MECOM: variants seen among roughly 807,000 people sequenced by gnomAD.
The protein encoded by MECOM is histone-lysine N-methyltransferase MECOM.
In MECOM, 13 loss-of-function variants were observed where a neutral mutation model predicts 116.3. The ratio of observed to expected loss-of-function variants is 0.11; its 90% CI spans 0.07 to 0.18. The LOEUF (loss-of-function observed/expected upper bound fraction) is 0.18, where lower values mean the gene tolerates loss of function less well. MECOM is among the 10% of genes least tolerant of loss of function. The pLI, the probability that MECOM is intolerant of heterozygous loss-of-function variation, is 1.00. For missense variants in MECOM, 1,299 were observed against 1,509.0 expected (o/e 0.86, Z 2.31); for synonymous variants, 528 against 535.2 (o/e 0.99, Z 0.19).
chr3:169,531,315 C>T (rs1236690685), intron 1 of MECOM, among the ~76,000 whole-genome samples: 1 of 152,160 alleles, frequency 6.6e-6, no homozygotes. Context: ...CATAAACAAA[C>T]CAATGCAGAG....
chr3:169,231,625 A>T (rs564355526), intron 2 of MECOM, among the ~76,000 whole-genome samples: 1 of 152,170 alleles, frequency 6.6e-6, no homozygotes, highest in East Asian at 1.9e-4. Context: ...AAAAGATGAG[A>T]ATGAGTCTTC....
intron 2 of MECOM, among the ~76,000 whole-genome samples, chr3:169,150,280 C>T (rs950371907): frequency 3.9e-5 from 6 of 152,294 alleles, no homozygotes; most frequent in Admixed American, 3.9e-4. Context: ...TTGCAAGGGG[C>T]TTGCTTCTTC....
At position 169,589,413 on chromosome 3, in the gene MECOM, G is replaced by A. The variant is rs773164991; in HGVS notation, c.37+73923C>T. Among the ~76,000 whole-genome samples the A allele has an allele frequency of 3.3e-5, 5 of 152,078 alleles. No individual in the cohort carries two copies. The East Asian group carries it at 5.8e-4, about 18-fold the overall frequency. On this transcript the variant is annotated intron_variant, in intron 1 of 16. Coordinates refer to ENST00000651503, the MANE Select transcript of MECOM (RefSeq NM_004991.4). ...AAATTCGGCCATCCCATATCCCTAC[G>A]CCTCTCTAGAGACCAGGAAGGCACC...
chr3:169,374,548 T>C (rs998965270), intron 2 of MECOM, among the ~76,000 whole-genome samples: 7 of 151,992 alleles, frequency 4.6e-5, no homozygotes, highest in African/African-American at 1.7e-4. Context: ...ATCTGGATAC[T>C]ACACAATGTT....
rs560854403 is a variant in MECOM at position 169,464,593 on chromosome 3, G to A, written c.38-83069C>T. ...AAAGCAAATTAGGAGGGCATTACAT[G>A]GGGAAAAGTGGGGAAAGTTCTTCAG... On this transcript the variant is annotated intron_variant, in intron 1 of 16. Transcript: ENST00000651503. Among the ~76,000 whole-genome samples, 3 of 152,150 alleles carry A rather than the reference G, an allele frequency of 2.0e-5. No individual in the cohort carries two copies. In the East Asian group the frequency reaches 5.8e-4, roughly 29 times the overall value.
chr3:169,643,876 A>G (rs1773804656), intron 1 of MECOM, among the ~76,000 whole-genome samples: 3 of 152,226 alleles, frequency 2.0e-5, no homozygotes, highest in South Asian at 2.1e-4. Context: ...TCTCTCAACT[A>G]GAGATACTCA....
chr3:169,583,916 TA>T (rs1209008424), intron 1 of MECOM, among the ~76,000 whole-genome samples: 2 of 152,190 alleles, frequency 1.3e-5, no homozygotes, highest in Non-Finnish European at 2.9e-5. Flanking sequence ...GTAAATATTT[TA>T]AAATCAATTA....
intron 1 of MECOM, among the ~76,000 whole-genome samples, chr3:169,394,587 G>A (rs1174854612): frequency 6.6e-6 from 1 of 152,098 alleles, no homozygotes; most frequent in Non-Finnish European, 1.5e-5. Context: ...TATTTGCAGA[G>A]GTACGGCAGA....
chr3:169,220,974 C>G (rs985278846), intron 2 of MECOM, among the ~76,000 whole-genome samples: 14 of 152,006 alleles, frequency 9.2e-5, no homozygotes, highest in Admixed American at 7.9e-4. Context: ...GGAAGAAAAT[C>G]GAAGAAGAAG....
intron 2 of MECOM, among the ~76,000 whole-genome samples, chr3:169,375,039 AAAG>A (rs1193024175): frequency 1.3e-5 from 2 of 152,006 alleles, no homozygotes; most frequent in Admixed American, 1.3e-4. Flanking sequence ...TCTCTAAAGA[AAAG>A]AAGAGGAAGA....
chr3:169,256,041 TTAAA>T (rs1304330605), intron 2 of MECOM, among the ~76,000 whole-genome samples: 1 of 152,230 alleles, frequency 6.6e-6, no homozygotes, highest in Non-Finnish European at 1.5e-5. Context: ...TTAACCTATT[TTAAA>T]TATTCATTCT....
intron 2 of MECOM, among the ~76,000 whole-genome samples, chr3:169,355,809 G>A (rs1034853868): frequency 2.6e-5 from 4 of 151,722 alleles, no homozygotes; most frequent in Admixed American, 6.6e-5. Flanking sequence ...CCATATAGCA[G>A]TGAAGATTCT....
Position 169,284,339 on chromosome 3 carries a change from G to T in MECOM, c.375+96848C>A, listed in dbSNP as rs147068561. On this transcript the variant is annotated intron_variant, in intron 2 of 16. Coordinates refer to ENST00000651503, the MANE Select transcript of MECOM (RefSeq NM_004991.4). Reference sequence around the variant, plus strand: ...TGGTCTTGGGAATCCTGAGCGTTGAGATTAGGATCCCTGATCACTCTGGGC... The same window carrying T: ...TGGTCTTGGGAATCCTGAGCGTTGATATTAGGATCCCTGATCACTCTGGGC... Among the ~76,000 whole-genome samples the T allele has an allele frequency of 2.7e-3, 412 of 152,262 alleles. 1 individual carries two copies. Among genetic ancestry groups the T allele is most frequent in the African/African-American group, 9.3e-3 (386 of 41,552 alleles).
At chr3:169,502,533 C>A (rs537663867) in intron 1 of MECOM, among the ~76,000 whole-genome samples, 10 of 152,158 alleles carry the variant, frequency 6.6e-5, no homozygotes, top group South Asian at 6.2e-4. Flanking sequence ...CTAAAAACAC[C>A]CTTTTACACA....
chr3:169,647,658 C>T (rs1267553069), intron 1 of MECOM, among the ~76,000 whole-genome samples: 1 of 152,144 alleles, frequency 6.6e-6, no homozygotes, highest in East Asian at 1.9e-4. Flanking sequence ...ACCCTCTTAG[C>T]ATTTTTAATA....
chr3:169,330,794 A>G (rs534529745), intron 2 of MECOM, among the ~76,000 whole-genome samples: 2 of 152,236 alleles, frequency 1.3e-5, no homozygotes, highest in Non-Finnish European at 2.9e-5. Context: ...CATTTAAGTA[A>G]TATCTTCCAT....
At chr3:169,412,608 G>A (rs1737741259) in intron 1 of MECOM, among the ~76,000 whole-genome samples, 1 of 152,032 alleles carries the variant, frequency 6.6e-6, no homozygotes, top group African/African-American at 2.4e-5. Flanking sequence ...TAAGGTAAAT[G>A]CCAAAATGTC....
Position 169,663,474 on chromosome 3 carries a change from GTCTCTCTCTCTCTC to G in MECOM, c.-116_-103del, listed in dbSNP as rs71166260. On this transcript the variant is annotated 5_prime_UTR_variant, in exon 1 of 17. Coordinates refer to ENST00000651503, the MANE Select transcript of MECOM (RefSeq NM_004991.4). ...CTCTCGCTCCCTCCCTCTCTCTCCT[GTCTCTCTCTCTCTC>G]TCTCTCTCTCTCTCTCTCTCTCTCT... The G allele has an allele frequency of 0.045, 25,279 of 566,808 alleles. 336 individuals are homozygous for G. Among genetic ancestry groups the G allele is most frequent in the African/African-American group, 0.12 (2,759 of 22,074 alleles). 35.1% of individuals were successfully genotyped at this position (566,808 alleles called of 1,614,324 possible).
chr3:169,178,749 G>A (rs568747392), intron 2 of MECOM, among the ~76,000 whole-genome samples: 2 of 152,236 alleles, frequency 1.3e-5, no homozygotes, highest in East Asian at 3.9e-4. Flanking sequence ...ATAAATCCTA[G>A]GATATGTTAC....
Sources: allele counts gnomAD v4.1 joint callset (sites outside exome capture counted in the v4.1 genomes callset), GRCh38; gene constraint gnomAD v4.1.1; transcripts MANE v1.5; gene names NCBI Gene and HGNC (gene_info 2026-07-23, HGNC 2026-07-21).